Variants in SOX5 observed in about 807,000 individuals in gnomAD.
SOX5 encodes the protein SRY-box transcription factor 5, also known as transcription factor SOX-5.
SOX5 carries 9 observed loss-of-function variants against 92.0 expected under a neutral mutation model. The observed-to-expected ratio is 0.10, with a 90% CI of 0.06 to 0.17. SOX5 has a LOEUF of 0.17. Among genes scored for constraint, SOX5 ranks in the 10% least tolerant of loss-of-function variants. The probability of loss-of-function intolerance (pLI) is 1.00; values close to 1 mark genes in which losing one functional copy is unlikely to be tolerated. For synonymous variants in SOX5, 344 were observed against 336.3 expected (o/e 1.02, Z -0.25); for missense variants, 642 against 944.5 (o/e 0.68, Z 4.20).
intron 3 of SOX5, among the ~76,000 whole-genome samples, chr12:23,795,425 C>T (rs572798029): frequency 1.3e-5 from 2 of 152,216 alleles, no homozygotes; most frequent in South Asian, 4.1e-4. Context: ...TGTACCTCAA[C>T]TATGTTCCTC....
intron 9 of SOX5, among the ~76,000 whole-genome samples, chr12:23,597,340 T>C (rs1952642908): frequency 6.6e-6 from 1 of 152,208 alleles, no homozygotes; most frequent in Admixed American, 6.5e-5. Flanking sequence ...GGTAAAAATG[T>C]GACCAACCCT....
At chr12:23,612,188 AAATG>A (rs1387054398) in intron 8 of SOX5, among the ~76,000 whole-genome samples, 5 of 152,076 alleles carry the variant, frequency 3.3e-5, no homozygotes, top group Non-Finnish European at 5.9e-5. Context: ...GGTATGCCAT[AAATG>A]AATATCAATA....
chr12:24,214,836 T>C (rs1289349463), intron 3 of SOX5, among the ~76,000 whole-genome samples: 1 of 152,072 alleles, frequency 6.6e-6, no homozygotes, highest in Non-Finnish European at 1.5e-5. Context: ...TTCTTTTTCA[T>C]TTTAAAAAGC....
chr12:24,218,648 C>A (rs1270554202), intron 3 of SOX5, among the ~76,000 whole-genome samples: 2 of 152,102 alleles, frequency 1.3e-5, no homozygotes, highest in Non-Finnish European at 2.9e-5. Flanking sequence ...TATAACTCAA[C>A]AAACAAGTCT....
At chr12:23,586,714 A>C (rs1447235040) in intron 9 of SOX5, among the ~76,000 whole-genome samples, 1 of 151,742 alleles carries the variant, frequency 6.6e-6, no homozygotes, top group Admixed American at 6.6e-5. Context: ...TGGAAGATTA[A>C]GTCTCAAAAA....
chr12:23,726,009 C>G (rs1290373712), intron 6 of SOX5, among the ~76,000 whole-genome samples: 15 of 152,030 alleles, frequency 9.9e-5, no homozygotes. Flanking sequence ...AGGGATAAGC[C>G]TAGTGGCACA....
chr12:23,635,275 A>C (rs2138553529), intron 8 of SOX5, among the ~76,000 whole-genome samples: 1 of 152,268 alleles, frequency 6.6e-6, no homozygotes, highest in East Asian at 1.9e-4. Context: ...ACTTGTAAAG[A>C]TCCAGGGTGG....
chr12:23,821,244 G>T (rs1285314466), intron 3 of SOX5, among the ~76,000 whole-genome samples: 1 of 152,108 alleles, frequency 6.6e-6, no homozygotes, highest in Non-Finnish European at 1.5e-5. Flanking sequence ...TTGATGTATA[G>T]GAATGCTTGT....
In SOX5 at chr12:24,263,187, T is replaced by G. The variant is rs550510870; in HGVS notation, c.-77+14029A>C. On this transcript the variant is annotated intron_variant, in intron 3 of 4. Coordinates refer to the SOX5 transcript ENST00000446891. ...TTTCAGTGAGCCAAGATTGCACCAC[T>G]GCACTCCAGCCTGGCTGACAGAGCA... Among the ~76,000 whole-genome samples, 300 of 152,136 alleles carry G rather than the reference T, an allele frequency of 2.0e-3. 1 individual carries two copies. Among genetic ancestry groups the G allele is most frequent in the African/African-American group, 7.0e-3 (290 of 41,508 alleles).
chr12:24,182,821 C>A (rs1365325214), intron 4 of SOX5, among the ~76,000 whole-genome samples: 1 of 152,184 alleles, frequency 6.6e-6, no homozygotes, highest in Non-Finnish European at 1.5e-5. Flanking sequence ...TCAAGCAATT[C>A]TCTTGCCTCA....
At chr12:23,793,545 G>A (rs758259585) in intron 3 of SOX5, among the ~76,000 whole-genome samples, 1 of 152,170 alleles carries the variant, frequency 6.6e-6, no homozygotes, top group African/African-American at 2.4e-5. Context: ...ATGGGGTATA[G>A]GTGGGGAATT....
chr12:24,109,326 T>G (rs1004693774), intron 4 of SOX5, among the ~76,000 whole-genome samples: 1 of 152,158 alleles, frequency 6.6e-6, no homozygotes, highest in South Asian at 2.1e-4. Context: ...ACAAAATAAT[T>G]GGTAAAAATC....
intron 4 of SOX5, among the ~76,000 whole-genome samples, chr12:24,191,152 C>G (rs1374100528): frequency 1.3e-5 from 2 of 152,096 alleles, no homozygotes; most frequent in African/African-American, 4.8e-5. Context: ...AAGCAGTATG[C>G]ATGAGAAGAT....
intron 1 of SOX5, among the ~76,000 whole-genome samples, chr12:24,389,372 T>C (rs532973611): frequency 6.6e-6 from 1 of 152,184 alleles, no homozygotes; most frequent in Non-Finnish European, 1.5e-5. Flanking sequence ...GACATTTGGG[T>C]TGGTTCCAAG....
intron 2 of SOX5, among the ~76,000 whole-genome samples, chr12:24,353,565 C>T (rs1023975528): frequency 6.6e-6 from 1 of 151,832 alleles, no homozygotes; most frequent in Non-Finnish European, 1.5e-5. Context: ...TAATGCTTTG[C>T]ATAGACTAAA....
chr12:23,948,857 T>C (rs1945052384), intron 1 of SOX5, among the ~76,000 whole-genome samples: 1 of 152,160 alleles, frequency 6.6e-6, no homozygotes, highest in South Asian at 2.1e-4. Context: ...AATACACTAT[T>C]CCCATCATAG....
intron 3 of SOX5, among the ~76,000 whole-genome samples, chr12:23,759,284 G>A (rs973246850): frequency 2.0e-5 from 3 of 151,916 alleles, no homozygotes; most frequent in Non-Finnish European, 2.9e-5. Context: ...GGATAATTTA[G>A]TGACAACCTA....
chr12:24,384,017 T>C (rs947915240), intron 1 of SOX5, among the ~76,000 whole-genome samples: 3 of 152,182 alleles, frequency 2.0e-5, no homozygotes, highest in African/African-American at 7.2e-5. Context: ...TTTCCCCCTT[T>C]GCTTGGCACT....
intron 4 of SOX5, among the ~76,000 whole-genome samples, chr12:24,190,747 G>A (rs964756967): frequency 1.3e-5 from 2 of 152,096 alleles, no homozygotes; most frequent in Non-Finnish European, 2.9e-5. Context: ...AAAATACTAT[G>A]GCAATTAAAA....
Sources: allele counts gnomAD v4.1 joint callset (sites outside exome capture counted in the v4.1 genomes callset), GRCh38; gene constraint gnomAD v4.1.1; transcripts MANE v1.5; gene names NCBI Gene and HGNC (gene_info 2026-07-23, HGNC 2026-07-21).